The following ADGRL2 variants were observed in gnomAD, a reference collection of about 807,000 sequenced individuals.
ADGRL2 encodes the protein calcium-independent alpha-latrotoxin receptor 2.
A neutral mutation model predicts 157.4 loss-of-function variants in ADGRL2; 44 were observed. The ratio of observed to expected loss-of-function variants is 0.28; its 90% CI spans 0.22 to 0.36. The LOEUF is 0.36. ADGRL2 is among the 10% of genes least tolerant of loss of function. The pLI, the probability that ADGRL2 is intolerant of heterozygous loss-of-function variation, is 1.00. For synonymous variants in ADGRL2, 585 were observed against 624.7 expected (o/e 0.94, Z 0.95); for missense variants, 1,510 against 1,768.9 (o/e 0.85, Z 2.63).
chr1:81,367,794 C>T (rs1387431883), intron 1 of ADGRL2, among the ~76,000 whole-genome samples: 3 of 152,148 alleles, frequency 2.0e-5, no homozygotes, highest in East Asian at 1.9e-4. Context: ...TCAGGTGATC[C>T]GTCCACCTTG....
At chr1:81,687,679 G>A (rs1299067230) in intron 3 of ADGRL2, among the ~76,000 whole-genome samples, 1 of 152,114 alleles carries the variant, frequency 6.6e-6, no homozygotes, top group Non-Finnish European at 1.5e-5. Flanking sequence ...CATTCATTGT[G>A]CTCTTTGTTG....
At chr1:81,523,301 A>G (rs983290778) in intron 2 of ADGRL2, among the ~76,000 whole-genome samples, 8 of 152,146 alleles carry the variant, frequency 5.3e-5, no homozygotes, top group Admixed American at 1.3e-4. Context: ...AAAAATAAAC[A>G]ATCAAATAGA....
chr1:81,430,191 C>A (rs1275462652), intron 1 of ADGRL2, among the ~76,000 whole-genome samples: 1 of 152,160 alleles, frequency 6.6e-6, no homozygotes, highest in Non-Finnish European at 1.5e-5. Flanking sequence ...CTGCACCCAG[C>A]CATGAGCTTT....
chr1:81,423,450 A>T (rs2077160655), intron 1 of ADGRL2, among the ~76,000 whole-genome samples: 1 of 152,160 alleles, frequency 6.6e-6, no homozygotes, highest in South Asian at 2.1e-4. Context: ...ACACATCGCG[A>T]CGGCCCAGAA....
intron 2 of ADGRL2, among the ~76,000 whole-genome samples, chr1:81,446,985 A>G (rs148782715): frequency 6.6e-6 from 1 of 152,296 alleles, no homozygotes; most frequent in East Asian, 1.9e-4. Context: ...TTAAAAAACT[A>G]TTAATTAAAA....
At chr1:81,561,313 C>A (rs1426859070) in intron 2 of ADGRL2, among the ~76,000 whole-genome samples, 1 of 152,044 alleles carries the variant, frequency 6.6e-6, no homozygotes, top group African/African-American at 2.4e-5. Context: ...AACTCCCAGA[C>A]CTGGAACAGT....
At chr1:81,752,664 C>T (rs1259623213) in intron 1 of ADGRL2, among the ~76,000 whole-genome samples, 2 of 152,144 alleles carry the variant, frequency 1.3e-5, no homozygotes, top group Non-Finnish European at 2.9e-5. Context: ...GCTGGTACTA[C>T]AGGTCCTGGC....
chr1:81,419,082 A>G (rs929788729), intron 1 of ADGRL2, among the ~76,000 whole-genome samples: 1 of 152,246 alleles, frequency 6.6e-6, no homozygotes, highest in Non-Finnish European at 1.5e-5. Flanking sequence ...GCTCAAAAGT[A>G]GGTGAAGGAA....
In ADGRL2 at chr1:81,487,946, G is replaced by A. The variant is rs1021072024; in HGVS notation, c.-248+42857G>A. ...TAGTGATATATTTAGTAAAAAATAT[G>A]CGCAAGGCACCCCGTCCTCCAAATA... On this transcript the variant is annotated intron_variant, in intron 2 of 24. Coordinates refer to the ADGRL2 transcript ENST00000370721. Among the ~76,000 whole-genome samples the A allele has an allele frequency of 3.3e-5, 5 of 152,006 alleles. No homozygotes were observed. In the East Asian group the frequency reaches 7.7e-4, roughly 24 times the overall value.
chr1:81,703,992 T>A (rs2083654610), intron 1 of ADGRL2, among the ~76,000 whole-genome samples: 1 of 152,204 alleles, frequency 6.6e-6, no homozygotes, highest in African/African-American at 2.4e-5. Flanking sequence ...AAACCCATCA[T>A]CTCTCTGGAG....
At chr1:81,648,704 A>T (rs535960081) in intron 3 of ADGRL2, among the ~76,000 whole-genome samples, 1 of 152,300 alleles carries the variant, frequency 6.6e-6, no homozygotes, top group Non-Finnish European at 1.5e-5. Flanking sequence ...CATATATGTT[A>T]CATAGTGACA....
chr1:81,446,216 G>A (rs1216925652), intron 2 of ADGRL2, among the ~76,000 whole-genome samples: 1 of 152,154 alleles, frequency 6.6e-6, no homozygotes, highest in Non-Finnish European at 1.5e-5. Flanking sequence ...AAAGTGGGGT[G>A]CCTGCCAGCC....
At chr1:81,921,337 T>C (rs2148604674) in intron 3 of ADGRL2, among the ~76,000 whole-genome samples, 1 of 152,320 alleles carries the variant, frequency 6.6e-6, no homozygotes, top group East Asian at 1.9e-4. Flanking sequence ...CTCAGTCTAT[T>C]AATATGTTTA....
chr1:81,863,039 G>A (rs1210966831), intron 2 of ADGRL2, among the ~76,000 whole-genome samples: 2 of 152,160 alleles, frequency 1.3e-5, no homozygotes, highest in South Asian at 2.1e-4. Flanking sequence ...GGAATATTCT[G>A]TATAGACTTT....
intron 2 of ADGRL2, among the ~76,000 whole-genome samples, chr1:81,871,466 G>A (rs1275208882): frequency 6.6e-6 from 1 of 152,056 alleles, no homozygotes; most frequent in African/African-American, 2.4e-5. Context: ...GGGATAGCGG[G>A]GTCAAATGGT....
chr1:81,412,119 T>G (rs530856289), intron 1 of ADGRL2, among the ~76,000 whole-genome samples: 1 of 152,244 alleles, frequency 6.6e-6, no homozygotes, highest in Admixed American at 6.5e-5. Flanking sequence ...AGATATACAG[T>G]TACTATCCCC....
intron 11 of ADGRL2, among the ~76,000 whole-genome samples, chr1:81,960,942 A>T (rs1449696449): frequency 2.0e-5 from 3 of 152,094 alleles, no homozygotes; most frequent in Non-Finnish European, 4.4e-5. Context: ...GCTTCCTGTC[A>T]TCTTCAGTTC....
chr1:81,504,062 C>T (rs2078914481), intron 2 of ADGRL2, among the ~76,000 whole-genome samples: 1 of 152,214 alleles, frequency 6.6e-6, no homozygotes, highest in Non-Finnish European at 1.5e-5. Flanking sequence ...CCAGATCCCC[C>T]TTCTAATGGT....
intron 1 of ADGRL2, among the ~76,000 whole-genome samples, chr1:81,311,043 A>G (rs1659720109): frequency 6.6e-6 from 1 of 152,296 alleles, no homozygotes; most frequent in East Asian, 1.9e-4. Flanking sequence ...GAAATTAAAT[A>G]TAAAACCAAG....
Sources: allele counts gnomAD v4.1 joint callset (sites outside exome capture counted in the v4.1 genomes callset), GRCh38; gene constraint gnomAD v4.1.1; transcripts MANE v1.5; gene names NCBI Gene and HGNC (gene_info 2026-07-23, HGNC 2026-07-21).